ABCC11: variants seen among roughly 807,000 people sequenced by gnomAD.
ABCC11 encodes ATP-binding cassette sub-family C member 11.
Under a neutral mutation model 149.3 loss-of-function variants are expected in ABCC11, and 135 were observed. That is an observed-to-expected ratio of 0.90 (90% CI 0.79 to 1.04). The LOEUF (loss-of-function observed/expected upper bound fraction) is 1.04. ABCC11 is among the 50% of genes least tolerant of loss of function. ABCC11 has a pLI of 0.00. For synonymous variants in ABCC11, 665 were observed against 671.4 expected, an observed-to-expected ratio of 0.99 and a Z score of 0.15; for missense variants, 1,680 against 1,722.1, an observed-to-expected ratio of 0.98 and a Z score of 0.43.
Position 48,215,249 on chromosome 16 carries a change from A to G in ABCC11, c.1047T>C (p.Ile349=), listed in dbSNP as rs753444292. The G allele has an allele frequency of 6.2e-7, 1 of 1,614,080 alleles. No individual in the cohort carries two copies. The highest frequency in any genetic ancestry group is 1.1e-5 in the South Asian group (1 of 91,084). The part of the protein sequence containing the change: ...IRVTSEVLTC[I]KLIKMYTWEK... ...CCCATGTGTACATTTTAATCAGCTT[A>G]ATGCAAGTGAGAACTTCACTGGTCA... Residue 349 remains isoleucine (I), a synonymous_variant, in exon 8 of 30, where the codon ATT becomes ATC. Transcript: ENST00000356608.
intron 17 of ABCC11, 147 bp from the exon 18 acceptor site, chr16:48,196,468 T>A: frequency 1.4e-6 from 1 of 733,780 alleles, no homozygotes; most frequent in Non-Finnish European, 2.3e-6. Flanking sequence ...TGGAAGACTC[T>A]ACTGAAAGAA....
chr16:48,168,950 A>G (rs146839779), intron 28 of ABCC11, among the ~76,000 whole-genome samples: 1 of 152,316 alleles, frequency 6.6e-6, no homozygotes, highest in East Asian at 1.9e-4. Flanking sequence ...TGTGGGTCTT[A>G]AAACCTAGAT....
chr16:48,243,102 TA>T (rs56708623), intron 1 of ABCC11, among the ~76,000 whole-genome samples: 249 of 142,794 alleles, frequency 1.7e-3, no homozygotes, highest in Non-Finnish European at 1.7e-3. Flanking sequence ...ATCAAGGTTG[TA>T]AAAAAAAAAA....
rs749553688 is a variant in ABCC11 at position 48,175,239 on chromosome 16, C to T, written c.3698+19G>A. The stretch of plus-strand genomic sequence containing the variant: ...CTGTGACCCACCTCCTGCAGGCTGC[C>T]TGCTGGCCCGGCACTCACCTGATGG... On this transcript the variant is annotated intron_variant, in intron 26 of 29. Transcript: ENST00000356608. 1 of 1,592,198 alleles carries T rather than the reference C, an allele frequency of 6.3e-7. No homozygotes were observed. The highest frequency in any genetic ancestry group is 1.7e-5 in the Admixed American group (1 of 59,550).
At chr16:48,246,497 G>A (rs1323156111) in intron 1 of ABCC11, among the ~76,000 whole-genome samples, 4 of 152,188 alleles carry the variant, frequency 2.6e-5, no homozygotes, top group Non-Finnish European at 5.9e-5. Context: ...TTGAAAAGTC[G>A]ATTTAGTCAC....
At chr16:48,223,670 T>G (rs1969894221) in intron 5 of ABCC11, 2 of 152,502 alleles carry the variant, frequency 1.3e-5, no homozygotes, top group African/African-American at 2.4e-5. Flanking sequence ...CCGCTTCTTC[T>G]GGCCAACCAG....
At chr16:48,188,087 C>T (rs1019537236) in intron 20 of ABCC11, among the ~76,000 whole-genome samples, 7 of 152,154 alleles carry the variant, frequency 4.6e-5, no homozygotes, top group Admixed American at 6.5e-5. Flanking sequence ...ATAAACTGTC[C>T]CTTAATCTAC....
At chr16:48,178,170 GT>G (rs760069998) in intron 24 of ABCC11, among the ~76,000 whole-genome samples, 3 of 152,350 alleles carry the variant, frequency 2.0e-5, no homozygotes, top group East Asian at 3.9e-4. Context: ...GGAAAAGAGA[GT>G]TTGAATAAGT....
chr16:48,178,629 T>A lies in ABCC11; in HGVS notation c.3316A>T (p.Thr1106Ser). Residue 1106 changes from threonine to serine, a missense_variant, in exon 24 of 30, where the codon ACG becomes TCG. By Grantham distance (58) the Thr-to-Ser change is moderately conservative (BLOSUM62 1). Transcript: ENST00000356608. ...TACTGCAGTATCCTCTCTACAGCCG[T>A]GAACTGTGCCTCTGTCTCCAAGCCA... ...RIGLETEAQF[T>S]AVERILQYMK... 6.2e-7 allele frequency: 1 copy of A among 1,614,042 alleles called. No individual in the cohort carries two copies. Among genetic ancestry groups the A allele is most frequent in the Non-Finnish European group, 8.5e-7 (1 of 1,180,012 alleles).
At position 48,210,937 on chromosome 16, in the gene ABCC11, A is replaced by G; in HGVS notation, c.1608+11T>C. The G allele has an allele frequency of 6.2e-7, 1 of 1,612,816 alleles. No individual in the cohort carries two copies. Among genetic ancestry groups the G allele is most frequent in the Non-Finnish European group, 8.5e-7 (1 of 1,178,904 alleles). The stretch of plus-strand genomic sequence containing the variant: ...GCAGCTGGCCTGCCTGCGTGGCCTG[A>G]ACAAGGCTACCTTGGACACCACCAG... On this transcript the variant is annotated intron_variant, in intron 11 of 29. Coordinates refer to ENST00000356608, the MANE Select transcript of ABCC11 (RefSeq NM_001370497.1).
intron 25 of ABCC11, 140 bp downstream of exon 25, chr16:48,176,784 G>A: frequency 9.6e-7 from 1 of 1,037,372 alleles, no homozygotes; most frequent in Non-Finnish European, 1.3e-6. Flanking sequence ...ACCAGTGTTT[G>A]TCTAGCACAG....
At chr16:48,210,722 T>C in intron 11 of ABCC11, 1 of 586,672 alleles carries the variant, frequency 1.7e-6, no homozygotes, top group Non-Finnish European at 3.0e-6. Context: ...TCATATTATT[T>C]TGGGTCTTAC....
At chr16:48,215,378 C>T in intron 7 of ABCC11, 34 bp from the exon 8 acceptor site, 1 of 1,600,468 alleles carries the variant, frequency 6.2e-7, no homozygotes, top group Non-Finnish European at 8.5e-7. Flanking sequence ...TGGAGTTGAT[C>T]TGCAAGGGCT....
intron 12 of ABCC11, among the ~76,000 whole-genome samples, chr16:48,206,846 C>T (rs1968490487): frequency 1.3e-5 from 2 of 152,168 alleles, no homozygotes; most frequent in South Asian, 2.1e-4. Flanking sequence ...AATGGGTCAT[C>T]GTGAGTATGC....
intron 3 of ABCC11, among the ~76,000 whole-genome samples, chr16:48,229,253 A>G (rs1970275235): frequency 6.6e-6 from 1 of 152,062 alleles, no homozygotes; most frequent in Admixed American, 6.6e-5. Context: ...ATCTAAGATG[A>G]GGTTACCCAG....
intron 1 of ABCC11, among the ~76,000 whole-genome samples, chr16:48,241,711 A>C (rs1023279505): frequency 5.9e-5 from 9 of 152,204 alleles, no homozygotes; most frequent in Non-Finnish European, 1.0e-4. Flanking sequence ...AGACCAATGG[A>C]ACAGAACAGA....
intron 18 of ABCC11, among the ~76,000 whole-genome samples, 199 bp downstream of exon 18, chr16:48,196,033 G>T (rs1967375331): frequency 6.6e-6 from 1 of 152,104 alleles, no homozygotes. Context: ...GAGTATACAT[G>T]AAAATATAAC....
At chr16:48,244,473 A>T (rs1420200054) in intron 1 of ABCC11, 2 of 1,598,716 alleles carry the variant, frequency 1.3e-6, no homozygotes, top group Admixed American at 1.7e-5. Context: ...CGGCTCCACC[A>T]TGCGCACCAG....
At chr16:48,190,927 G>A (rs1439267880) in intron 20 of ABCC11, among the ~76,000 whole-genome samples, 1 of 152,038 alleles carries the variant, frequency 6.6e-6, no homozygotes, top group Non-Finnish European at 1.5e-5. Context: ...AAGCAGCCTG[G>A]TTCACCCAGC....
Sources: gnomAD v4.1 joint callset for allele counts (sites outside exome capture counted in the v4.1 genomes callset) on GRCh38, gnomAD v4.1.1 for gene constraint, MANE v1.5 for transcripts, NCBI Gene and HGNC (gene_info 2026-07-23, HGNC 2026-07-21) for gene names.